Variants in RHBDD1 observed in about 807,000 individuals in gnomAD.
RHBDD1 encodes rhomboid domain containing 1.
Under a neutral mutation model 36.3 loss-of-function variants are expected in RHBDD1, and 38 were observed. That is an observed-to-expected ratio of 1.05 (90% CI 0.81 to 1.37). RHBDD1 has a LOEUF of 1.37. RHBDD1 is among the 40% of genes most tolerant of loss of function. The probability of loss-of-function intolerance (pLI) is 0.00; values close to 1 mark genes in which losing one functional copy is unlikely to be tolerated. For synonymous variants in RHBDD1, 151 were observed against 136.5 expected, an observed-to-expected ratio of 1.11 and a Z score of -0.74; for missense variants, 393 against 377.6, an observed-to-expected ratio of 1.04 and a Z score of -0.34.
chr2:226,995,099 A>G lies in RHBDD1; in HGVS notation c.857-332A>G, dbSNP rs930629773. Among the ~76,000 whole-genome samples the G allele has an allele frequency of 5.5e-5, 8 of 146,182 alleles. No homozygotes were observed. The East Asian group carries it at 1.2e-3, about 22-fold the overall frequency. On this transcript the variant is annotated intron_variant, in intron 8 of 8. Transcript: ENST00000392062. Reference sequence around the variant, plus strand: ...GTGGCAACAAGTTATATATGGGCATAAAAAAAAAAAGACAATAAGCCCTTG... The same window carrying G: ...GTGGCAACAAGTTATATATGGGCATGAAAAAAAAAAGACAATAAGCCCTTG...
the RHBDD1 span, among the ~76,000 whole-genome samples, chr2:226,829,677 T>A: frequency 2.0e-5 from 3 of 152,214 alleles, no homozygotes; most frequent in African/African-American, 7.2e-5. Context: ...TAGAGAAATA[T>A]GTTTTTCAAA....
At chr2:226,807,963 C>T in the RHBDD1 span, among the ~76,000 whole-genome samples, 7 of 151,680 alleles carry the variant, frequency 4.6e-5, no homozygotes, top group African/African-American at 9.7e-5. Context: ...TGCAGTGAGC[C>T]GACGTCACGC....
chr2:226,922,146 T>TAAA (rs1029657712), intron 8 of RHBDD1, among the ~76,000 whole-genome samples: 22 of 151,664 alleles, frequency 1.5e-4, no homozygotes, highest in African/African-American at 4.8e-4. Context: ...TTGTCTGATA[T>TAAA]AAGCATAGCT....
intron 8 of RHBDD1, among the ~76,000 whole-genome samples, chr2:226,995,194 T>G (rs1341092683): frequency 6.6e-6 from 1 of 152,178 alleles, no homozygotes; most frequent in East Asian, 1.9e-4. Context: ...GTGGGAAGAT[T>G]ATCAAGAAGC....
chr2:226,867,269 A>C lies in RHBDD1; in HGVS notation c.517A>C (p.Arg173=). The part of the protein sequence containing the change: ...VNILGFPVPN[R]FACWVELVAI... ...CATTTTGGGCTTTCCTGTACCGAAC[A>C]GATTTGCTTGTTGGGTCGAACTTGT... The change falls in exon 5 of 9, where the codon AGA becomes CGA. Residue 173 remains arginine, a synonymous_variant. Coordinates refer to ENST00000392062, the MANE Select transcript of RHBDD1 (RefSeq NM_001167608.3). 6.2e-7 allele frequency: 1 copy of C among 1,613,738 alleles called. No individual in the cohort carries two copies. Among genetic ancestry groups the C allele is most frequent in the Admixed American group, 1.7e-5 (1 of 59,948 alleles).
rs1469462431 is a variant in RHBDD1 at position 226,882,407 on chromosome 2, G to A, written c.566+15089G>A. Among the ~76,000 whole-genome samples, 3 of 126,638 alleles carry A rather than the reference G, an allele frequency of 2.4e-5. No homozygotes were observed. In the Admixed American group the frequency reaches 2.8e-4, roughly 12 times the overall value. The allele number at this position is 126,638 out of a possible 152,430, so 83.1% of individuals were successfully genotyped here. A position where few individuals can be genotyped will look rare whatever the true frequency, so the allele number is the denominator to read the frequency against. ...ATCATGCCATTGCACTCCAGCCTGG[G>A]CAACAAGAGTGAGACTTTGCCTCAA... is the stretch of plus-strand genomic sequence containing the variant. On this transcript the variant is annotated intron_variant, in intron 5 of 8. Coordinates refer to ENST00000392062, the MANE Select transcript of RHBDD1 (RefSeq NM_001167608.3).
intron 5 of RHBDD1, among the ~76,000 whole-genome samples, chr2:226,874,733 A>T (rs1011888863): frequency 6.6e-6 from 1 of 152,182 alleles, no homozygotes; most frequent in East Asian, 1.9e-4. Context: ...TCCTTGCCAT[A>T]TATGGTTACA....
At chr2:226,972,494 C>G (rs1275293979) in intron 8 of RHBDD1, among the ~76,000 whole-genome samples, 1 of 152,192 alleles carries the variant, frequency 6.6e-6, no homozygotes, top group East Asian at 1.9e-4. Flanking sequence ...CCTGGGAAGG[C>G]TGCTCCACCC....
At chr2:226,965,365 T>A (rs1952541719) in intron 8 of RHBDD1, among the ~76,000 whole-genome samples, 1 of 152,236 alleles carries the variant, frequency 6.6e-6, no homozygotes, top group South Asian at 2.1e-4. Flanking sequence ...TGCAAGAGAA[T>A]AAAGTTCTGT....
chr2:226,970,864 C>T (rs62189771), intron 8 of RHBDD1, among the ~76,000 whole-genome samples: 11,856 of 152,178 alleles, frequency 0.078, 513 homozygotes, highest in East Asian at 0.18. Context: ...TCGTGCCCAT[C>T]ATGTGGGGAC....
chr2:226,987,672 C>T (rs1160556283), intron 8 of RHBDD1, among the ~76,000 whole-genome samples: 1 of 152,212 alleles, frequency 6.6e-6, no homozygotes, highest in Non-Finnish European at 1.5e-5. Flanking sequence ...GCCTGAGGCC[C>T]AGGGAGGGAA....
At chr2:226,908,683 A>C in intron 6 of RHBDD1, 139 bp from the exon 7 acceptor site, 1 of 683,034 alleles carries the variant, frequency 1.5e-6, no homozygotes, top group South Asian at 1.8e-5. Flanking sequence ...CCCAAACAAA[A>C]GGGAGTTTAT....
intron 8 of RHBDD1, among the ~76,000 whole-genome samples, chr2:226,973,179 A>G (rs1953912455): frequency 6.6e-6 from 1 of 152,196 alleles, no homozygotes; most frequent in Non-Finnish European, 1.5e-5. Flanking sequence ...GGAACTATAT[A>G]GTGTTGATTG....
chr2:226,805,294 C>A, the RHBDD1 span, among the ~76,000 whole-genome samples: 1 of 152,184 alleles, frequency 6.6e-6, no homozygotes, highest in Non-Finnish European at 1.5e-5. Flanking sequence ...CTCACTGCAA[C>A]CTCCACCTCC....
intron 8 of RHBDD1, among the ~76,000 whole-genome samples, chr2:226,942,331 C>T (rs528541461): frequency 1.7e-3 from 254 of 152,022 alleles, no homozygotes; most frequent in African/African-American, 5.8e-3. Flanking sequence ...CTCTGTTTCC[C>T]GGGTTCATGC....
intron 5 of RHBDD1, among the ~76,000 whole-genome samples, chr2:226,903,933 G>C (rs1947813471): frequency 6.6e-6 from 1 of 152,114 alleles, no homozygotes; most frequent in Admixed American, 6.5e-5. Flanking sequence ...GACATGATCG[G>C]AGAGGAGATA....
chr2:226,832,426 T>C (rs972499146), upstream of RHBDD1, among the ~76,000 whole-genome samples: 29 of 152,210 alleles, frequency 1.9e-4, no homozygotes, highest in African/African-American at 5.5e-4. Flanking sequence ...GTATACTTTT[T>C]AAAAAGAACA....
chr2:226,807,574 G>A, the RHBDD1 span: 2 of 152,194 alleles, frequency 1.3e-5, no homozygotes, highest in African/African-American at 4.8e-5. Context: ...AATGGCCAAT[G>A]CAAAGAGCCC....
Position 226,986,157 on chromosome 2 carries a change from T to C in RHBDD1, c.857-9274T>C, listed in dbSNP as rs372247068. On this transcript the variant is annotated intron_variant, in intron 8 of 8. Coordinates refer to ENST00000392062, the MANE Select transcript of RHBDD1 (RefSeq NM_001167608.3). ...GAAATTCTTCACGATATCTGTCTGC[T>C]ACCACTCAAGACTGTCAAGGTCATG... 4.1e-4 allele frequency among the ~76,000 whole-genome samples: 62 copies of C among 152,310 alleles called. No homozygotes were observed. The South Asian group carries it at 9.7e-3, about 24-fold the overall frequency.
Sources: gnomAD v4.1 joint callset for allele counts (sites outside exome capture counted in the v4.1 genomes callset) on GRCh38, gnomAD v4.1.1 for gene constraint, MANE v1.5 for transcripts, NCBI Gene and HGNC (gene_info 2026-07-23, HGNC 2026-07-21) for gene names.